HDAC9: variants seen among roughly 807,000 people sequenced by gnomAD.
HDAC9 encodes histone deacetylase 9, also known as MEF-2 interacting transcription repressor (MITR) protein.
In HDAC9, 41 loss-of-function variants were observed where a neutral mutation model predicts 139.4. The ratio of observed to expected loss-of-function variants is 0.29; its 90% CI spans 0.23 to 0.38. The LOEUF (loss-of-function observed/expected upper bound fraction) is 0.38, where lower values mean the gene tolerates loss of function less well. HDAC9 is among the 10% of genes least tolerant of loss of function. HDAC9 has a pLI of 1.00. For synonymous variants in HDAC9, 517 were observed against 476.2 expected (o/e 1.09, Z -1.12); for missense variants, 1,147 against 1,297.0 (o/e 0.88, Z 1.78).
intron 1 of HDAC9, among the ~76,000 whole-genome samples, chr7:18,383,105 G>A (rs1378165567): frequency 6.6e-6 from 1 of 152,118 alleles, no homozygotes; most frequent in Non-Finnish European, 1.5e-5. Flanking sequence ...AAGAGAAAAT[G>A]ACATTCATCT....
intron 1 of HDAC9, among the ~76,000 whole-genome samples, chr7:18,112,351 A>G (rs1457832943): frequency 2.0e-5 from 3 of 152,236 alleles, no homozygotes; most frequent in African/African-American, 7.2e-5. Flanking sequence ...AGAAATTGTT[A>G]AGAATGCGGA....
chr7:18,397,956 C>G (rs1787202334), intron 1 of HDAC9, among the ~76,000 whole-genome samples: 1 of 152,130 alleles, frequency 6.6e-6, no homozygotes, highest in Non-Finnish European at 1.5e-5. Context: ...CGGGAGCTGG[C>G]AAGATCCTGA....
intron 1 of HDAC9, among the ~76,000 whole-genome samples, chr7:18,144,104 A>G (rs908176224): frequency 6.6e-6 from 1 of 152,252 alleles, no homozygotes; most frequent in Non-Finnish European, 1.5e-5. Flanking sequence ...AAATAATAAA[A>G]GCAGTGTTAT....
chr7:18,442,772 G>A (rs1483047249), intron 1 of HDAC9, among the ~76,000 whole-genome samples: 1 of 152,174 alleles, frequency 6.6e-6, no homozygotes, highest in Non-Finnish European at 1.5e-5. Flanking sequence ...GGTTTTCAGT[G>A]GTTGGATAGT....
chr7:18,911,162 T>TTC (rs1395728130), intron 22 of HDAC9, among the ~76,000 whole-genome samples: 2 of 151,088 alleles, frequency 1.3e-5, no homozygotes, highest in African/African-American at 4.8e-5. Context: ...TTTTTTTTTT[T>TTC]CTGGTTTAAT....
chr7:18,626,729 C>T (rs530745525), intron 6 of HDAC9, among the ~76,000 whole-genome samples: 2 of 152,152 alleles, frequency 1.3e-5, no homozygotes, highest in Non-Finnish European at 2.9e-5. Context: ...CTATATCTGG[C>T]TGATTCTCAA....
At position 18,644,700 on chromosome 7, in the gene HDAC9, T is replaced by C. The variant is rs189276171; in HGVS notation, c.942T>C (p.Ile314=). 970 of 1,611,916 alleles carry C rather than the reference T, an allele frequency of 6.0e-4. 10 individuals are homozygous for C. In the African/African-American group the frequency reaches 0.011, roughly 18 times the overall value. Residue 314 remains isoleucine (I), a synonymous_variant, in exon 9 of 26, where the codon ATT becomes ATC. Transcript: ENST00000686413. ...EQMVSQQRIL[I]HEDSMNLLSL... is the part of the protein sequence containing the mutation. ...TGGTTTCACAGCAACGCATTCTAAT[T>C]CATGAAGATTCCATGAACCTGCTAA...
At chr7:18,976,012 AT>A in intron 25 of HDAC9, 59 bp downstream of exon 25, 1 of 1,544,692 alleles carries the variant, frequency 6.5e-7, no homozygotes, top group Non-Finnish European at 8.8e-7. Context: ...CATCGTTGAT[AT>A]TTGTGAATCT....
intron 16 of HDAC9, among the ~76,000 whole-genome samples, chr7:18,791,768 G>A (rs1404894104): frequency 6.6e-6 from 1 of 152,132 alleles, no homozygotes; most frequent in Non-Finnish European, 1.5e-5. Flanking sequence ...CAATCAACAC[G>A]TAGGCCTCTA....
At chr7:18,335,094 A>T (rs899928116) in intron 1 of HDAC9, among the ~76,000 whole-genome samples, 3 of 151,520 alleles carry the variant, frequency 2.0e-5, no homozygotes, top group Non-Finnish European at 3.0e-5. Flanking sequence ...GAGGGATTGA[A>T]AAGGGATTAA....
chr7:18,131,237 C>A (rs1472256026), intron 1 of HDAC9, among the ~76,000 whole-genome samples: 2 of 152,102 alleles, frequency 1.3e-5, no homozygotes, highest in African/African-American at 4.8e-5. Context: ...CCAGTGATTT[C>A]TCAAAAGGTG....
At chr7:18,797,186 A>ATAGGT (rs1792875883) in intron 17 of HDAC9, among the ~76,000 whole-genome samples, 1 of 152,212 alleles carries the variant, frequency 6.6e-6, no homozygotes, top group African/African-American at 2.4e-5. Context: ...GATCCTGCAG[A>ATAGGT]TAGGTTAATA....
intron 1 of HDAC9, among the ~76,000 whole-genome samples, chr7:18,352,576 A>G (rs761238478): frequency 3.3e-5 from 5 of 152,170 alleles, no homozygotes; most frequent in Non-Finnish European, 2.9e-5. Context: ...GTTCATTTCA[A>G]AGATTCTTGG....
rs748254420 is a variant in HDAC9, at chr7:18,727,769, T to C, written c.1909+12T>C. On this transcript the variant is annotated intron_variant, in intron 13 of 25. Coordinates refer to ENST00000686413, the MANE Select transcript of HDAC9 (RefSeq NM_178425.4). ...TGGCTCTGCAACTGGTAGGAATCCC[T>C]AAAGACTCTCTCTAATAGGCAGGCT... 4 of 1,497,482 alleles carry C rather than the reference T, an allele frequency of 2.7e-6. No individual in the cohort carries two copies. Among genetic ancestry groups the C allele is most frequent in the Non-Finnish European group, 3.5e-6 (4 of 1,129,736 alleles). 92.8% of individuals were successfully genotyped at this position (1,497,482 alleles called of 1,614,324 possible). A position where few individuals can be genotyped will look rare whatever the true frequency, so the allele number is the denominator to read the frequency against.
intron 6 of HDAC9, among the ~76,000 whole-genome samples, chr7:18,595,213 A>G (rs3814990): frequency 0.28 from 42,474 of 151,934 alleles, 6,220 homozygotes; most frequent in African/African-American, 0.37. Context: ...TAATTTAAAT[A>G]GCCCAAATAT....
chr7:18,894,200 A>G (rs1800959526), intron 22 of HDAC9, among the ~76,000 whole-genome samples: 1 of 152,094 alleles, frequency 6.6e-6, no homozygotes. Context: ...GTTTAAGCTG[A>G]GAGTTAAATT....
intron 1 of HDAC9, among the ~76,000 whole-genome samples, chr7:18,298,809 A>G (rs1798325171): frequency 6.6e-6 from 1 of 152,228 alleles, no homozygotes; most frequent in Non-Finnish European, 1.5e-5. Context: ...TTATAAAAAC[A>G]AATAGTAAAG....
intron 1 of HDAC9, among the ~76,000 whole-genome samples, chr7:18,468,834 A>G (rs1794503927): frequency 6.6e-6 from 1 of 152,204 alleles, no homozygotes; most frequent in Admixed American, 6.5e-5. Flanking sequence ...TAAGTGCCAG[A>G]TATTTCTTTA....
chr7:18,776,674 G>C (rs1468491111), intron 16 of HDAC9, among the ~76,000 whole-genome samples: 1 of 152,014 alleles, frequency 6.6e-6, no homozygotes, highest in Non-Finnish European at 1.5e-5. Flanking sequence ...CAGAGAACTA[G>C]TGGTTAATGA....
Sources: allele counts gnomAD v4.1 joint callset (sites outside exome capture counted in the v4.1 genomes callset), GRCh38; gene constraint gnomAD v4.1.1; transcripts MANE v1.5; gene names NCBI Gene and HGNC (gene_info 2026-07-23, HGNC 2026-07-21).